Variants in CACNA1E observed in about 807,000 individuals in gnomAD.
CACNA1E encodes the protein calcium voltage-gated channel subunit alpha1 E, also known as voltage-dependent R-type calcium channel subunit alpha-1E.
A neutral mutation model predicts 259.2 loss-of-function variants in CACNA1E; 40 were observed. The ratio of observed to expected loss-of-function variants is 0.15; its 90% CI spans 0.12 to 0.20. The LOEUF (loss-of-function observed/expected upper bound fraction) is 0.20. CACNA1E is among the 10% of genes least tolerant of loss of function. The pLI is 1.00. For synonymous variants in CACNA1E, 1,104 were observed against 1,138.5 expected (o/e 0.97, Z 0.61); for missense variants, 1,874 against 3,040.1 (o/e 0.62, Z 9.02).
At chr1:181,374,518 A>C (rs909123413) in intron 1 of CACNA1E, among the ~76,000 whole-genome samples, 1 of 152,072 alleles carries the variant, frequency 6.6e-6, no homozygotes, top group African/African-American at 2.4e-5. Context: ...GCTGGAGTGC[A>C]GTGATACGAT....
intron 6 of CACNA1E, among the ~76,000 whole-genome samples, chr1:181,642,584 C>G (rs893199207): frequency 6.6e-6 from 1 of 152,224 alleles, no homozygotes; most frequent in Non-Finnish European, 1.5e-5. Flanking sequence ...CTTTCTGGTG[C>G]TTGCCACTCT....
At position 181,718,950 on chromosome 1, in the gene CACNA1E, C is replaced by T. The variant is rs866965245; in HGVS notation, c.1638+783C>T. On this transcript the variant is annotated intron_variant, in intron 12 of 47. Transcript: ENST00000367573. ...AACTTTGGGCTCCTGAACCACTTCT[C>T]TTTCTGTCAATCCCACTACTTTTTC... 5.0e-4 allele frequency among the ~76,000 whole-genome samples: 76 copies of T among 152,338 alleles called. 1 individual carries two copies. Among genetic ancestry groups the T allele is most frequent in the African/African-American group, 1.7e-3 (72 of 41,588 alleles).
chr1:181,694,889 G>GA (rs1384267595), intron 7 of CACNA1E, among the ~76,000 whole-genome samples: 1 of 151,930 alleles, frequency 6.6e-6, no homozygotes, highest in Non-Finnish European at 1.5e-5. Flanking sequence ...ATAAGGAAAG[G>GA]AAAGAAAATA....
intron 1 of CACNA1E, among the ~76,000 whole-genome samples, chr1:181,374,914 A>C (rs1654985098): frequency 6.6e-6 from 1 of 152,186 alleles, no homozygotes; most frequent in Non-Finnish European, 1.5e-5. Context: ...TACACATCTG[A>C]GCCATACGTA....
chr1:181,704,959 A>C (rs187369974), intron 7 of CACNA1E, among the ~76,000 whole-genome samples: 1 of 152,286 alleles, frequency 6.6e-6, no homozygotes, highest in Admixed American at 6.5e-5. Context: ...GTCACATAAC[A>C]TGGGCAGACA....
chr1:181,519,501 G>A (rs947633105), intron 3 of CACNA1E, among the ~76,000 whole-genome samples: 6 of 152,202 alleles, frequency 3.9e-5, no homozygotes, highest in Non-Finnish European at 7.3e-5. Flanking sequence ...TGAAGACAAG[G>A]TAAGGCTAAG....
intron 6 of CACNA1E, among the ~76,000 whole-genome samples, chr1:181,590,412 A>ATATATATATATAT (rs1423754228): frequency 3.4e-4 from 41 of 121,618 alleles, no homozygotes; most frequent in African/African-American, 1.4e-3. Context: ...AAAAAAAAAA[A>ATATATATATATAT]AAAAATATAT....
chr1:181,344,413 G>C (rs1351130543), intron 1 of CACNA1E, among the ~76,000 whole-genome samples: 1 of 152,216 alleles, frequency 6.6e-6, no homozygotes, highest in Non-Finnish European at 1.5e-5. Flanking sequence ...CCCTTGGCAG[G>C]GAGAGGACAT....
At chr1:181,766,194 A>G (rs916953518) in intron 34 of CACNA1E, among the ~76,000 whole-genome samples, 2 of 152,202 alleles carry the variant, frequency 1.3e-5, no homozygotes, top group South Asian at 2.1e-4. Flanking sequence ...TTTAATTTGC[A>G]TCACAATTGC....
intron 1 of CACNA1E, among the ~76,000 whole-genome samples, chr1:181,495,941 G>A (rs1013766908): frequency 2.0e-5 from 3 of 152,184 alleles, no homozygotes; most frequent in Non-Finnish European, 4.4e-5. Context: ...TACAGAGATA[G>A]GCATTCTTGT....
At position 181,803,855 on chromosome 1, in the gene CACNA1E, C is replaced by T. The variant is rs1167503556; in HGVS notation, c.*5021C>T. 2 of 152,306 alleles carry T rather than the reference C, an allele frequency of 1.3e-5. No individual in the cohort carries two copies. The highest frequency in any genetic ancestry group is 3.9e-4 in the East Asian group (2 of 5,184). The allele number at this position is 152,306 out of a possible 1,614,324, so 9.4% of individuals were successfully genotyped here. On this transcript the variant is annotated 3_prime_UTR_variant, in exon 48 of 48. Coordinates refer to ENST00000367573, the MANE Select transcript of CACNA1E (RefSeq NM_001205293.3). ...GCCTGAAAAGCCTCTCTAAACAAAA[C>T]TCAAGATAGCTGAGAAGTATGAATG...
chr1:181,737,335 CT>C (rs1480049882), intron 22 of CACNA1E, among the ~76,000 whole-genome samples, 189 bp from the exon 23 acceptor site: 1 of 152,198 alleles, frequency 6.6e-6, no homozygotes, highest in Non-Finnish European at 1.5e-5. Flanking sequence ...TCTAACCAAT[CT>C]GATTACCTTC....
chr1:181,761,470 G>T lies in CACNA1E; in HGVS notation c.4606-1104G>T, dbSNP rs561627683. On this transcript the variant is annotated intron_variant, in intron 32 of 47. Transcript: ENST00000367573. ...ATGTAGGAATTCAATGATGCTAGTT[G>T]TGAGGCTGGGTTGGAGTATACTTCT... Among the ~76,000 whole-genome samples the T allele has an allele frequency of 5.3e-4, 81 of 152,346 alleles. 1 individual carries two copies. Among genetic ancestry groups the T allele is most frequent in the African/African-American group, 1.9e-3 (81 of 41,576 alleles).
chr1:181,754,128 C>T (rs1657851381), intron 27 of CACNA1E, among the ~76,000 whole-genome samples: 1 of 152,206 alleles, frequency 6.6e-6, no homozygotes, highest in Non-Finnish European at 1.5e-5. Context: ...TGTCAGTGAT[C>T]CTGCAGGGCA....
At chr1:181,356,990 C>T (rs149557773) in intron 1 of CACNA1E, among the ~76,000 whole-genome samples, 9 of 152,292 alleles carry the variant, frequency 5.9e-5, no homozygotes, top group East Asian at 1.9e-4. Context: ...GGGTAAACGA[C>T]GGTTCATTTC....
chr1:181,382,099 T>A (rs199701171), intron 1 of CACNA1E, among the ~76,000 whole-genome samples: 1 of 152,016 alleles, frequency 6.6e-6, no homozygotes, highest in African/African-American at 2.4e-5. Flanking sequence ...AAGGGGCTAT[T>A]TGGAATAGGG....
chr1:181,404,874 A>C (rs1657353836), intron 1 of CACNA1E, among the ~76,000 whole-genome samples: 1 of 152,234 alleles, frequency 6.6e-6, no homozygotes, highest in African/African-American at 2.4e-5. Context: ...ACTGGCCAAC[A>C]TGTGAGGCAC....
chr1:181,699,957 T>TA (rs1345470709), intron 7 of CACNA1E, among the ~76,000 whole-genome samples: 1 of 152,126 alleles, frequency 6.6e-6, no homozygotes, highest in Non-Finnish European at 1.5e-5. Flanking sequence ...AGTTGACAGT[T>TA]ACATAACTGG....
intron 3 of CACNA1E, among the ~76,000 whole-genome samples, chr1:181,567,805 C>T (rs1454537704): frequency 6.6e-6 from 1 of 152,144 alleles, no homozygotes; most frequent in Non-Finnish European, 1.5e-5. Context: ...TGTGGATCAG[C>T]TCCTTTGGAG....
Sources: gnomAD v4.1 joint callset for allele counts (sites outside exome capture counted in the v4.1 genomes callset) on GRCh38, gnomAD v4.1.1 for gene constraint, MANE v1.5 for transcripts, NCBI Gene and HGNC (gene_info 2026-07-23, HGNC 2026-07-21) for gene names.